Variants in PBRM1 observed in about 807,000 individuals in gnomAD.
PBRM1 encodes the protein protein polybromo-1.
In PBRM1, 27 loss-of-function variants were observed where a neutral mutation model predicts 194.5. The ratio of observed to expected loss-of-function variants is 0.14; its 90% CI spans 0.10 to 0.19. PBRM1 has a LOEUF of 0.19. PBRM1 is among the 10% of genes least tolerant of loss of function. The pLI is 1.00. For synonymous variants in PBRM1, 655 were observed against 693.2 expected (o/e 0.94, Z 0.87); for missense variants, 1,466 against 2,077.2 (o/e 0.71, Z 5.72).
intron 6 of PBRM1, among the ~76,000 whole-genome samples, chr3:52,648,876 C>T (rs568880070): frequency 4.6e-5 from 7 of 152,148 alleles, no homozygotes; most frequent in Non-Finnish European, 1.0e-4. Context: ...AGCACAGAGG[C>T]TAACATTTTC....
chr3:52,646,009 G>A, intron 7 of PBRM1, among the ~76,000 whole-genome samples: 1 of 152,166 alleles, frequency 6.6e-6, no homozygotes, highest in East Asian at 1.9e-4. Flanking sequence ...ATATACACAA[G>A]TTTAGAATGA....
chr3:52,615,143 C>T (rs1172134813), intron 15 of PBRM1, among the ~76,000 whole-genome samples: 1 of 152,210 alleles, frequency 6.6e-6, no homozygotes, highest in Non-Finnish European at 1.5e-5. Context: ...AACAAAACCT[C>T]TGACATTATA....
intron 13 of PBRM1, chr3:52,624,929 G>A (rs1487462608): frequency 1.3e-6 from 2 of 1,547,762 alleles, no homozygotes; most frequent in South Asian, 2.4e-5. Flanking sequence ...ACATCTCACT[G>A]TCATGAGTGT....
chr3:52,637,221 A>C (rs1157192622), intron 10 of PBRM1, among the ~76,000 whole-genome samples: 1 of 152,094 alleles, frequency 6.6e-6, no homozygotes, highest in East Asian at 1.9e-4. Context: ...ATCTTTTCTG[A>C]TCCTTACACC....
At chr3:52,575,533 T>TG (rs2089276340) in intron 22 of PBRM1, among the ~76,000 whole-genome samples, 1 of 140,966 alleles carries the variant, frequency 7.1e-6, no homozygotes, top group South Asian at 2.2e-4. Flanking sequence ...TTTTTTTTTT[T>TG]GAGACAGTCT....
chr3:52,588,224 G>A (rs1052332160), intron 18 of PBRM1, among the ~76,000 whole-genome samples: 1 of 152,150 alleles, frequency 6.6e-6, no homozygotes, highest in South Asian at 2.1e-4. Context: ...CATGTGATAG[G>A]CAGCTCAAAG....
intron 4 of PBRM1, among the ~76,000 whole-genome samples, chr3:52,660,081 A>T (rs2096687336): frequency 6.6e-6 from 1 of 152,214 alleles, no homozygotes; most frequent in Non-Finnish European, 1.5e-5. Flanking sequence ...AAAGAGCAAG[A>T]CACTGTCTCA....
intron 20 of PBRM1, among the ~76,000 whole-genome samples, chr3:52,583,184 C>T (rs1164450024): frequency 6.7e-6 from 1 of 149,900 alleles, no homozygotes; most frequent in Non-Finnish European, 1.5e-5. Context: ...CCGAGGCAGG[C>T]GGATCATCAG....
At chr3:52,643,826 G>T (rs749766751) in intron 8 of PBRM1, among the ~76,000 whole-genome samples, 36 of 152,072 alleles carry the variant, frequency 2.4e-4, no homozygotes, top group Non-Finnish European at 5.0e-4. Context: ...AAAAAGATTA[G>T]CCGGGCATGG....
At chr3:52,593,712 GGTTA>G (rs1337058453) in intron 17 of PBRM1, among the ~76,000 whole-genome samples, 7 of 152,044 alleles carry the variant, frequency 4.6e-5, no homozygotes, top group Non-Finnish European at 8.8e-5. Context: ...GGAGTAGGTT[GGTTA>G]ATTTCCATAT....
intron 8 of PBRM1, 79 bp from the exon 10 acceptor site, chr3:52,643,422 C>G: frequency 1.2e-6 from 1 of 861,590 alleles, no homozygotes; most frequent in African/African-American, 1.7e-5. Flanking sequence ...CACACACAAC[C>G]ATTTTCTTCT....
intron 10 of PBRM1, among the ~76,000 whole-genome samples, chr3:52,641,355 G>A (rs946053091): frequency 5.5e-4 from 81 of 147,592 alleles, no homozygotes; most frequent in Non-Finnish European, 1.5e-4. Context: ...GCTGAGGCAG[G>A]AGAATCACTT....
chr3:52,625,035 A>G (rs1560480563), intron 13 of PBRM1, 94 bp from the exon 15 acceptor site: 3 of 855,582 alleles, frequency 3.5e-6, no homozygotes, highest in Non-Finnish European at 5.8e-6. Flanking sequence ...GAAGAAAAAG[A>G]TTATTCAGTC....
chr3:52,659,620 A>G (rs1305640385), intron 4 of PBRM1, among the ~76,000 whole-genome samples: 1 of 152,144 alleles, frequency 6.6e-6, no homozygotes, highest in Admixed American at 6.5e-5. Context: ...TGGGCGTCTC[A>G]CTACATTGCC....
chr3:52,649,297 C>T (rs910714619), intron 6 of PBRM1, among the ~76,000 whole-genome samples: 2 of 152,210 alleles, frequency 1.3e-5, no homozygotes, highest in Admixed American at 1.3e-4. Context: ...CAAATGGTCA[C>T]TTTGCCAGCA....
chr3:52,607,030 C>T (rs556878312), intron 16 of PBRM1, among the ~76,000 whole-genome samples: 26 of 152,212 alleles, frequency 1.7e-4, no homozygotes, highest in African/African-American at 6.0e-4. Flanking sequence ...GGTGATGAAG[C>T]ATGAAGACTC....
At chr3:52,664,199 C>G (rs1332063079) in intron 3 of PBRM1, among the ~76,000 whole-genome samples, 2 of 151,764 alleles carry the variant, frequency 1.3e-5, no homozygotes, top group East Asian at 1.9e-4. Context: ...AGCCAGTGCA[C>G]TCCAGCCTGG....
chr3:52,663,057 T>TG (rs1276214791), intron 3 of PBRM1, among the ~76,000 whole-genome samples: 1 of 152,076 alleles, frequency 6.6e-6, no homozygotes, highest in Non-Finnish European at 1.5e-5. Context: ...AAAACAACGT[T>TG]GGATGCAATG....
chr3:52,574,728 C>T lies in PBRM1; in HGVS notation c.3691+1813G>A, dbSNP rs186099462. On this transcript the variant is annotated intron_variant, in intron 22 of 29. Coordinates refer to ENST00000296302, the Ensembl canonical transcript of PBRM1. ...AGTAAAGGCAAAGCAGAGTTGTAAT[C>T]TGCATGGCTGAGTGTTGAAGGTGTG... Among the ~76,000 whole-genome samples the T allele has an allele frequency of 3.7e-3, 559 of 152,290 alleles. 4 individuals are homozygous for T. Among genetic ancestry groups the T allele is most frequent in the Middle Eastern group, 6.8e-3 (2 of 294 alleles).
Sources: allele counts gnomAD v4.1 joint callset (sites outside exome capture counted in the v4.1 genomes callset), GRCh38; gene constraint gnomAD v4.1.1; transcripts MANE v1.5; gene names NCBI Gene and HGNC (gene_info 2026-07-23, HGNC 2026-07-21).